Variants in TAFA5 observed in about 807,000 individuals in gnomAD.
The protein encoded by TAFA5 is TAFA chemokine like family member 5.
In TAFA5, 6 loss-of-function variants were observed where a neutral mutation model predicts 15.3. That is an observed-to-expected ratio of 0.39 (90% CI 0.21 to 0.77). The LOEUF (loss-of-function observed/expected upper bound fraction) is 0.77. TAFA5 is among the 30% of genes least tolerant of loss of function. The pLI is 0.41. For missense variants in TAFA5, 161 were observed against 193.1 expected, an observed-to-expected ratio of 0.83 and a Z score of 0.98; for synonymous variants, 103 against 80.7, an observed-to-expected ratio of 1.28 and a Z score of -1.48.
intron 1 of TAFA5, among the ~76,000 whole-genome samples, chr22:48,596,656 G>A (rs966029728): frequency 1.3e-5 from 2 of 152,046 alleles, no homozygotes; most frequent in Non-Finnish European, 2.9e-5. Context: ...GTTATTAACC[G>A]AGGCCCATGG....
intron 1 of TAFA5, among the ~76,000 whole-genome samples, chr22:48,612,275 G>A (rs1008859826): frequency 3.3e-5 from 5 of 152,190 alleles, no homozygotes; most frequent in African/African-American, 4.8e-5. Context: ...GCACACCCCC[G>A]CAGCACAGGG....
At chr22:48,649,513 A>G (rs1422255943) in intron 2 of TAFA5, among the ~76,000 whole-genome samples, 1 of 152,134 alleles carries the variant, frequency 6.6e-6, no homozygotes, top group Non-Finnish European at 1.5e-5. Context: ...AAAAACATCT[A>G]TCAATTTGCA....
chr22:48,704,357 AC>A (rs1247488782), intron 2 of TAFA5, among the ~76,000 whole-genome samples: 1 of 152,016 alleles, frequency 6.6e-6, no homozygotes, highest in African/African-American at 2.4e-5. Context: ...GAGATTTTCT[AC>A]CATATTTACT....
At chr22:48,615,069 G>A (rs1601616973) in intron 1 of TAFA5, among the ~76,000 whole-genome samples, 1 of 152,324 alleles carries the variant, frequency 6.6e-6, no homozygotes, top group Non-Finnish European at 1.5e-5. Flanking sequence ...ATTCTAGGAA[G>A]TACTCGCTTA....
intron 2 of TAFA5, among the ~76,000 whole-genome samples, chr22:48,676,746 C>G (rs1457291909): frequency 1.3e-5 from 2 of 152,232 alleles, no homozygotes; most frequent in Non-Finnish European, 2.9e-5. Flanking sequence ...ATGGCTTGGA[C>G]TCTGATACAA....
intron 2 of TAFA5, among the ~76,000 whole-genome samples, chr22:48,676,725 A>T (rs1169102006): frequency 6.6e-6 from 1 of 152,180 alleles, no homozygotes; most frequent in South Asian, 2.1e-4. Flanking sequence ...GGGAGCGGGT[A>T]TGCACTGCTC....
intron 2 of TAFA5, among the ~76,000 whole-genome samples, chr22:48,657,391 C>G (rs1264823819): frequency 1.3e-5 from 2 of 152,150 alleles, no homozygotes; most frequent in Non-Finnish European, 2.9e-5. Flanking sequence ...GTTATCAAAA[C>G]TTCCCAACAA....
At chr22:48,586,816 A>T (rs1924378841) in intron 1 of TAFA5, among the ~76,000 whole-genome samples, 1 of 152,224 alleles carries the variant, frequency 6.6e-6, no homozygotes, top group African/African-American at 2.4e-5. Flanking sequence ...TTCCTCAAGG[A>T]TGCAGCCCCT....
chr22:48,511,993 C>T (rs1398770546), intron 1 of TAFA5, among the ~76,000 whole-genome samples: 8 of 152,232 alleles, frequency 5.3e-5, no homozygotes, highest in Admixed American at 6.5e-5. Flanking sequence ...GGTTGGAGCC[C>T]CATGGCACAG....
At chr22:48,704,189 A>AAC (rs71194377) in intron 2 of TAFA5, among the ~76,000 whole-genome samples, 48,477 of 140,976 alleles carry the variant, frequency 0.34, 7,996 homozygotes, top group East Asian at 0.57. Context: ...ACACACCCTC[A>AAC]ACACACACGC....
At chr22:48,622,273 G>C (rs1925866092) in intron 1 of TAFA5, among the ~76,000 whole-genome samples, 1 of 152,312 alleles carries the variant, frequency 6.6e-6, no homozygotes, top group East Asian at 1.9e-4. Flanking sequence ...CCGGAGGAGA[G>C]GGATACCTAG....
chr22:48,696,286 C>T (rs74955852), intron 2 of TAFA5, among the ~76,000 whole-genome samples: 8,793 of 152,246 alleles, frequency 0.058, 708 homozygotes, highest in African/African-American at 0.18. Context: ...ACCTTTCCGG[C>T]CAGATGTAGC....
intron 3 of TAFA5, among the ~76,000 whole-genome samples, chr22:48,735,237 C>G (rs1471096335): frequency 3.3e-5 from 5 of 152,176 alleles, no homozygotes; most frequent in African/African-American, 1.2e-4. Flanking sequence ...AGCCCCTGAT[C>G]TCCTCTAGCC....
chr22:48,493,074 G>A (rs1235061602), intron 1 of TAFA5, among the ~76,000 whole-genome samples: 1 of 152,174 alleles, frequency 6.6e-6, no homozygotes, highest in Non-Finnish European at 1.5e-5. Context: ...AGCAGCAAGG[G>A]AGAGAAGCAA....
intron 1 of TAFA5, among the ~76,000 whole-genome samples, chr22:48,535,807 T>C (rs1922138380): frequency 6.6e-6 from 1 of 151,792 alleles, no homozygotes; most frequent in African/African-American, 2.4e-5. Flanking sequence ...TGTGTGGGTA[T>C]ATGCATATGT....
chr22:48,714,011 G>C (rs6010487), intron 3 of TAFA5, among the ~76,000 whole-genome samples: 1 of 152,330 alleles, frequency 6.6e-6, no homozygotes, highest in Non-Finnish European at 1.5e-5. Flanking sequence ...CAGTCCTCCC[G>C]TGTCTGTGCC....
chr22:48,545,022 C>G, intron 1 of TAFA5: 1 of 386,174 alleles, frequency 2.6e-6, no homozygotes, highest in South Asian at 1.9e-5. Flanking sequence ...CAGCCAGCCC[C>G]CAGTGGCTCA....
At chr22:48,693,443 G>T in intron 2 of TAFA5, 1 of 1,603,490 alleles carries the variant, frequency 6.2e-7, no homozygotes, top group Non-Finnish European at 8.5e-7. Context: ...GAGGGACTGC[G>T]ACTCTTGCAG....
chr22:48,739,314 T>C (rs542640599), intron 3 of TAFA5, among the ~76,000 whole-genome samples: 19 of 152,326 alleles, frequency 1.2e-4, no homozygotes, highest in African/African-American at 4.6e-4. Context: ...CCAAGAAATA[T>C]GTGTTCTTAC....
Sources: allele counts gnomAD v4.1 joint callset (sites outside exome capture counted in the v4.1 genomes callset), GRCh38; gene constraint gnomAD v4.1.1; transcripts MANE v1.5; gene names NCBI Gene and HGNC (gene_info 2026-07-23, HGNC 2026-07-21).